The following IBTK variants were observed in gnomAD, a reference collection of about 807,000 sequenced individuals.
The protein encoded by IBTK is BTK-binding protein.
Under a neutral mutation model 154.9 loss-of-function variants are expected in IBTK, and 83 were observed. That is an observed-to-expected ratio of 0.54 (90% CI 0.45 to 0.64). IBTK has a LOEUF of 0.64. Among genes scored for constraint, IBTK ranks in the 30% least tolerant of loss-of-function variants. IBTK has a pLI of 0.00. For missense variants in IBTK, 1,332 were observed against 1,584.6 expected (o/e 0.84, Z 2.71); for synonymous variants, 515 against 536.1 (o/e 0.96, Z 0.54).
rs192358723 is a variant in IBTK at position 82,182,681 on chromosome 6, A to C, written c.3576-653T>G. 4.1e-3 allele frequency among the ~76,000 whole-genome samples: 617 copies of C among 152,314 alleles called. 1 individual carries two copies. The highest frequency in any genetic ancestry group is 0.014 in the African/African-American group (581 of 41,572). On this transcript the variant is annotated intron_variant, in intron 25 of 28. Coordinates refer to ENST00000306270, the MANE Select transcript of IBTK (RefSeq NM_015525.4). ...AACCCCAAAAAAGATAAAACAAAGA[A>C]AACCATATTTAGGCACATAATAAAT...
chr6:82,224,152 T>C lies in IBTK; in HGVS notation c.859A>G (p.Ile287Val). The C allele has an allele frequency of 6.2e-7, 1 of 1,614,060 alleles. No homozygotes were observed. Among genetic ancestry groups the C allele is most frequent in the Non-Finnish European group, 8.5e-7 (1 of 1,179,900 alleles). Residue 287 changes from isoleucine to valine, a missense_variant, in exon 7 of 29, where the codon ATT becomes GTT. Ile to Val is a conservative substitution (Grantham distance 29, BLOSUM62 3). Around this residue, in one of 3 missense-constraint regions of IBTK, gnomAD observed 1,134 missense variants for 1,274.7 expected, o/e 0.89. Coordinates refer to ENST00000306270, the MANE Select transcript of IBTK (RefSeq NM_015525.4). ...QAKYLKGRTI[I>V]GVAAGRFHTV... Reference sequence around the variant, plus strand: ...TGAAACCTGCCTGCTGCAACGCCAATGATTGTCCTTCCTTTCAGATATTTT... The same window carrying C: ...TGAAACCTGCCTGCTGCAACGCCAACGATTGTCCTTCCTTTCAGATATTTT...
intron 26 of IBTK, among the ~76,000 whole-genome samples, chr6:82,176,425 G>A (rs1768117736): frequency 6.6e-6 from 1 of 151,092 alleles, no homozygotes; most frequent in Non-Finnish European, 1.5e-5. Context: ...GGAGGCTGAG[G>A]CTAGAGAATC....
chr6:82,232,064 T>G (rs55823905), intron 3 of IBTK, among the ~76,000 whole-genome samples: 33,584 of 147,660 alleles, frequency 0.23, 3,585 homozygotes, highest in African/African-American at 0.27. Context: ...TTGTTGTTGT[T>G]TTTTTTTAAT....
chr6:82,184,779 C>T (rs1022093494), intron 25 of IBTK, among the ~76,000 whole-genome samples: 6 of 152,174 alleles, frequency 3.9e-5, no homozygotes, highest in South Asian at 2.1e-4. Flanking sequence ...ATGAATTGCA[C>T]ATTAACCTTA....
At chr6:82,243,485 C>G (rs1043380957) in intron 1 of IBTK, among the ~76,000 whole-genome samples, 1 of 152,210 alleles carries the variant, frequency 6.6e-6, no homozygotes, top group Non-Finnish European at 1.5e-5. Flanking sequence ...TAGTGTCCCA[C>G]TCCAAACCAC....
intron 8 of IBTK, among the ~76,000 whole-genome samples, chr6:82,221,726 A>C (rs1308766967): frequency 6.6e-6 from 1 of 152,240 alleles, no homozygotes; most frequent in Non-Finnish European, 1.5e-5. Flanking sequence ...TTATATAGGC[A>C]AGTTTTATAA....
chr6:82,174,666 G>A (rs1299246072), intron 26 of IBTK, among the ~76,000 whole-genome samples: 2 of 152,224 alleles, frequency 1.3e-5, no homozygotes, highest in African/African-American at 4.8e-5. Context: ...GCCCTAATGT[G>A]TGGGCAAACA....
At position 82,211,483 on chromosome 6, in the gene IBTK, C is replaced by T. The variant is rs1769639004; in HGVS notation, c.2374+7G>A. 4.3e-6 allele frequency: 7 copies of T among 1,610,934 alleles called. No individual in the cohort carries two copies. The highest frequency in any genetic ancestry group is 1.3e-5 in the African/African-American group (1 of 74,846). ...AATAAATCAGCAGCTTTAAAAAGTG[C>T]ACCTACCAAGTCTAGCACAAAGAAC... On this transcript the variant is annotated splice_region_variant and intron_variant, in intron 14 of 28. Coordinates refer to ENST00000306270, the MANE Select transcript of IBTK (RefSeq NM_015525.4).
At position 82,218,085 on chromosome 6, in the gene IBTK, T is replaced by C; in HGVS notation, c.1301A>G (p.Tyr434Cys). The change falls in exon 10 of 29, where the codon TAT (tyrosine) becomes TGT (cysteine). Residue 434 changes from tyrosine to cysteine, a missense_variant. By Grantham distance (194) the Tyr-to-Cys change is radical. Around this residue, in one of 3 missense-constraint regions of IBTK, gnomAD observed 1,134 missense variants for 1,274.7 expected, o/e 0.89. Coordinates refer to ENST00000306270, the MANE Select transcript of IBTK (RefSeq NM_015525.4). ...NSSLKQCRWAYPRQVFISDIA... is the reference protein window; with the variant it reads ...NSSLKQCRWACPRQVFISDIA... ...ATCAGAAATGAAGACCTGACGTGGA[T>C]AGGCCCATCGACACTGCTTCAGAGA... is the stretch of plus-strand genomic sequence containing the variant. 6.2e-7 allele frequency: 1 copy of C among 1,609,610 alleles called. No individual in the cohort carries two copies. Among genetic ancestry groups the C allele is most frequent in the Non-Finnish European group, 8.5e-7 (1 of 1,178,154 alleles).
rs1228710403 is a variant in IBTK, at chr6:82,214,736, ATC to A, written c.1693_1694del (p.Asp565CysfsTer8). 3 of 1,614,108 alleles carry A rather than the reference ATC, an allele frequency of 1.9e-6. No homozygotes were observed. The highest frequency in any genetic ancestry group is 1.3e-5 in the African/African-American group (1 of 75,056). Reference sequence around the variant, plus strand: ...GTCTATTGCCAACTTGAAATGTCACATCATGAATGCTGTCCATTTCATCTGCT... The same window carrying A: ...GTCTATTGCCAACTTGAAATGTCACAATGAATGCTGTCCATTTCATCTGCT... Reference protein sequence around the residue: ...READEMDSIHDVTFQVGNRLF... With the variant: ...READEMDSIHXVTFQVGNRLF... On this transcript the variant is annotated frameshift_variant, in exon 12 of 29. Transcript: ENST00000306270. LOFTEE classifies it high-confidence loss of function.
intron 26 of IBTK, chr6:82,174,957 C>T (rs181070775): frequency 1.3e-4 from 61 of 456,126 alleles, no homozygotes; most frequent in African/African-American, 1.1e-3. Context: ...TCTTCTCACT[C>T]TTTTACAGTT....
chr6:82,207,684 T>C (rs1769463814), intron 16 of IBTK, among the ~76,000 whole-genome samples: 1 of 152,126 alleles, frequency 6.6e-6, no homozygotes, highest in Non-Finnish European at 1.5e-5. Context: ...ATTTCACAAC[T>C]TACAACAAAG....
At chr6:82,233,697 A>G (rs1205820474) in intron 3 of IBTK, among the ~76,000 whole-genome samples, 1 of 151,558 alleles carries the variant, frequency 6.6e-6, no homozygotes, top group Non-Finnish European at 1.5e-5. Flanking sequence ...ACCTTAATGG[A>G]ATACATTTGT....
At chr6:82,237,294 G>C (rs1339304953) in intron 2 of IBTK, among the ~76,000 whole-genome samples, 2 of 151,522 alleles carry the variant, frequency 1.3e-5, no homozygotes, top group African/African-American at 4.8e-5. Flanking sequence ...GGGTAAGAAT[G>C]GAGCTGAGAG....
At chr6:82,235,068 C>A (rs1303261055) in intron 2 of IBTK, among the ~76,000 whole-genome samples, 1 of 151,666 alleles carries the variant, frequency 6.6e-6, no homozygotes, top group African/African-American at 2.4e-5. Context: ...ACCATGTTGG[C>A]CAGGCTGGCC....
rs1769182552 is a variant in IBTK at position 82,200,794 on chromosome 6, C to T, written c.2791-86G>A. The T allele has an allele frequency of 3.8e-6, 5 of 1,326,812 alleles. No homozygotes were observed. The Admixed American group carries it at 1.2e-4, about 33-fold the overall frequency. 82.2% of individuals were successfully genotyped at this position (1,326,812 alleles called of 1,614,324 possible). On this transcript the variant is annotated intron_variant, in intron 19 of 28. Coordinates refer to ENST00000306270, the MANE Select transcript of IBTK (RefSeq NM_015525.4). ...TTTTTTTTTTTTTGTGCACACGTGG[C>T]TCTTGCCATGTTGGCCAGGCTGTTT... is the stretch of plus-strand genomic sequence containing the variant.
At chr6:82,194,206 C>T (rs1768894117) in intron 23 of IBTK, among the ~76,000 whole-genome samples, 1 of 152,016 alleles carries the variant, frequency 6.6e-6, no homozygotes, top group African/African-American at 2.4e-5. Flanking sequence ...TAAGAAATAA[C>T]TACTGATACT....
rs749635109 is a variant in IBTK, at chr6:82,204,857, G to A, written c.2611C>T (p.Leu871Phe). The change falls in exon 17 of 29, where the codon CTT (leucine) becomes TTT (phenylalanine). Residue 871 changes from leucine to phenylalanine, a missense_variant and splice_region_variant. Physicochemically the swap from Leu to Phe is conservative, Grantham distance 22. Around this residue, in one of 3 missense-constraint regions of IBTK, gnomAD observed 1,134 missense variants for 1,274.7 expected, o/e 0.89. Coordinates refer to ENST00000306270, the MANE Select transcript of IBTK (RefSeq NM_015525.4). ...AATATTCAAACTCAAAATTACTCAC[G>A]TTTTTCAGTTAATGCTACTTCACAA... is the stretch of plus-strand genomic sequence containing the variant. ...EICEVALTEKLTLKNAAMLLE... is the reference protein window; with the variant it reads ...EICEVALTEKFTLKNAAMLLE... 69 of 1,565,466 alleles carry A rather than the reference G, an allele frequency of 4.4e-5. 1 individual carries two copies. The South Asian group carries it at 5.6e-4, about 13-fold the overall frequency.
chr6:82,243,388 A>G (rs1005069861), intron 1 of IBTK, among the ~76,000 whole-genome samples: 1 of 152,246 alleles, frequency 6.6e-6, no homozygotes, highest in Non-Finnish European at 1.5e-5. Context: ...AATCAACCAT[A>G]GTCCAAAAAT....
Sources: gnomAD v4.1 joint callset for allele counts (sites outside exome capture counted in the v4.1 genomes callset) on GRCh38, gnomAD v4.1.1 for gene constraint, gnomAD v4.1.1 regional missense constraint, MANE v1.5 for transcripts, NCBI Gene and HGNC (gene_info 2026-07-23, HGNC 2026-07-21) for gene names.